The following SKOR1 variants were observed in gnomAD, a reference collection of about 807,000 sequenced individuals.
SKOR1 encodes the protein SKI family transcriptional corepressor 1, also known as LBX1 corepressor 1.
SKOR1 carries 38 observed loss-of-function variants against 72.4 expected under a neutral mutation model. The observed-to-expected ratio is 0.52, with a 90% CI of 0.40 to 0.69. The LOEUF (loss-of-function observed/expected upper bound fraction) is 0.69, where lower values mean the gene tolerates loss of function less well. Ranked by LOEUF, SKOR1 falls within the 30% of genes least tolerant of loss-of-function variation. The pLI is 0.00. For synonymous variants in SKOR1, 642 were observed against 599.4 expected (o/e 1.07, Z -1.04); for missense variants, 1,320 against 1,343.2 (o/e 0.98, Z 0.27).
Position 67,827,835 on chromosome 15 carries a change from C to G in SKOR1, c.2007C>G (p.Pro669=). The change falls in exon 2 of 9, where the codon CCC becomes CCG. Residue 669 remains proline, a synonymous_variant. Transcript: ENST00000380035. ...TGGACGTGGAATCCAACCGCTTCCC[C>G]GACGACGAGGACGCCCAAGAGGAGA... is the stretch of plus-strand genomic sequence containing the variant. ...PEVDVESNRF[P]DDEDAQEETE... is the part of the protein sequence containing the mutation. 1 of 1,595,064 alleles carries G rather than the reference C, an allele frequency of 6.3e-7. No homozygotes were observed. The highest frequency in any genetic ancestry group is 8.5e-7 in the Non-Finnish European group (1 of 1,171,610).
At chr15:67,831,865 C>T (rs911266128) in intron 5 of SKOR1, among the ~76,000 whole-genome samples, 5 of 142,738 alleles carry the variant, frequency 3.5e-5, no homozygotes, top group African/African-American at 1.3e-4. Flanking sequence ...AAGGCTCTGA[C>T]CAAAGCCTCC....
rs1307896295 is a variant in SKOR1, at chr15:67,826,471, A to G, written c.643A>G (p.Met215Val). 3 of 1,614,000 alleles carry G rather than the reference A, an allele frequency of 1.9e-6. No homozygotes were observed. The highest frequency in any genetic ancestry group is 4.5e-5 in the East Asian group (2 of 44,894). The stretch of plus-strand genomic sequence containing the variant: ...GTGCATCAAGTGCGGCTACTGCAGC[A>G]TGTACTTCTCGCCCAACAAGTTCAT... ...AKCIKCGYCSMYFSPNKFIFH... is the reference protein window; with the variant it reads ...AKCIKCGYCSVYFSPNKFIFH... The change falls in exon 2 of 9, where the codon ATG becomes GTG. Residue 215 changes from methionine to valine, a missense_variant. Transcript: ENST00000380035.
chr15:67,833,300 C>T lies in SKOR1; in HGVS notation c.2803+43C>T, dbSNP rs764663192. On this transcript the variant is annotated intron_variant, in intron 8 of 8. Transcript: ENST00000380035. This position sits in a 1 kb window ranked among gnomAD's most constrained non-coding sequence, Gnocchi z 6.0. ...CAAAGATAGGAGGGGTGCTGGGTGC[C>T]GGCCGTGCTGTCGACTGAATGAATG... 13 of 1,599,826 alleles carry T rather than the reference C, an allele frequency of 8.1e-6. No individual in the cohort carries two copies. Among genetic ancestry groups the T allele is most frequent in the Admixed American group, 1.7e-5 (1 of 59,830 alleles).
At chr15:67,828,722 C>G (rs2090985429) in intron 2 of SKOR1, among the ~76,000 whole-genome samples, 1 of 152,050 alleles carries the variant, frequency 6.6e-6, no homozygotes, top group African/African-American at 2.4e-5. Flanking sequence ...GGGGGGCTCT[C>G]AAGCTGGCAG....
chr15:67,833,094 G>T lies in SKOR1; in HGVS notation c.2738-98G>T, dbSNP rs146164820. 6.2e-5 allele frequency: 80 copies of T among 1,289,788 alleles called. 1 individual carries two copies. The Admixed American group carries it at 7.2e-4, about 12-fold the overall frequency. 79.9% of individuals were successfully genotyped at this position (1,289,788 alleles called of 1,614,324 possible). A position where few individuals can be genotyped will look rare whatever the true frequency, so the allele number is the denominator to read the frequency against. The stretch of plus-strand genomic sequence containing the variant: ...CCATCCCTGGAGTTGTTTCTGCGCG[G>T]AGCTTAGCCCTGGGGAGAGGAGGAA... On this transcript the variant is annotated intron_variant, in intron 7 of 8. Coordinates refer to ENST00000380035, the MANE Select transcript of SKOR1 (RefSeq NM_001365915.1). The surrounding 1 kb of genome is among the most constrained non-coding windows in gnomAD (Gnocchi z 6.0).
chr15:67,827,009 C>G lies in SKOR1; in HGVS notation c.1181C>G (p.Pro394Arg), dbSNP rs2141365758. 6.3e-7 allele frequency: 1 copy of G among 1,594,224 alleles called. No homozygotes were observed. The highest frequency in any genetic ancestry group is 2.3e-5 in the East Asian group (1 of 44,434). The change falls in exon 2 of 9, where the codon CCC becomes CGC. Residue 394 changes from proline (P) to arginine (R), a missense_variant. Around this residue, in one of 3 missense-constraint regions of SKOR1, gnomAD observed 1,099 missense variants for 1,025.5 expected, o/e 1.07. Transcript: ENST00000380035. ...CAAAAGCTGCCCCCACCACTTTTCC[C>G]CCATCCTTACGGCTTCCCTACGGCC... ...LLQKLPPPLF[P>R]HPYGFPTAFG...
rs1383487967 is a variant in SKOR1, at chr15:67,829,211, G to A, written c.2349G>A (p.Lys783=). 1 of 1,575,888 alleles carries A rather than the reference G, an allele frequency of 6.3e-7. No individual in the cohort carries two copies. Among genetic ancestry groups the A allele is most frequent in the East Asian group, 2.3e-5 (1 of 43,500 alleles). ...CGCCCGAGAGGGATGAGCACGTGAA[G>A]AGCGCGGCGGTGGCGCTGGGGCCCG... ...VFAPERDEHV[K]SAAVALGPAA... is the part of the protein sequence containing the mutation. The change falls in exon 3 of 9, where the codon AAG becomes AAA. Residue 783 remains lysine, a synonymous_variant. Transcript: ENST00000380035.
chr15:67,826,052 A>G lies in SKOR1; in HGVS notation c.224A>G (p.Asn75Ser). Reference protein sequence around the residue: ...PYSGSSALKPNQVGETSLYGV... With the variant: ...PYSGSSALKPSQVGETSLYGV... The stretch of plus-strand genomic sequence containing the variant: ...TCGGGCTCCAGCGCTCTCAAACCCA[A>G]CCAGGTGGGCGAGACGTCGCTGTAC... The change falls in exon 2 of 9, where the codon AAC (asparagine) becomes AGC (serine). Residue 75 changes from asparagine (N) to serine (S), a missense_variant. This residue lies in a region of SKOR1 where 120 missense variants were observed against 104.9 expected (regional missense o/e 1.14). Transcript: ENST00000380035. The G allele has an allele frequency of 6.3e-7, 1 of 1,589,088 alleles. No individual in the cohort carries two copies. Among genetic ancestry groups the G allele is most frequent in the Non-Finnish European group, 8.6e-7 (1 of 1,163,954 alleles).
Position 67,832,608 on chromosome 15 carries a change from T to C in SKOR1, c.2664T>C (p.Asp888=), listed in dbSNP as rs778089883. 2.7e-5 allele frequency: 44 copies of C among 1,613,752 alleles called. No individual in the cohort carries two copies. The South Asian group carries it at 4.3e-4, about 16-fold the overall frequency. The change falls in exon 7 of 9, where the codon GAT becomes GAC. Residue 888 remains aspartate, a splice_region_variant and synonymous_variant. Coordinates refer to ENST00000380035, the MANE Select transcript of SKOR1 (RefSeq NM_001365915.1). The surrounding 1 kb of genome is among the most constrained non-coding windows in gnomAD (Gnocchi z 4.5). ...CTCTCACTTAATCAATTTGCACAGA[T>C]AATTTTCAGGATCAAATGAAGAGGG... is the stretch of plus-strand genomic sequence containing the variant. ...KLEREFQSLK[D]NFQDQMKREL... is the part of the protein sequence containing the mutation.
At position 67,825,972 on chromosome 15, in the gene SKOR1, G is replaced by A; in HGVS notation, c.144G>A (p.Gly48=). 1 of 1,526,222 alleles carries A rather than the reference G, an allele frequency of 6.6e-7. No homozygotes were observed. The allele number at this position is 1,526,222 out of a possible 1,614,324, so 94.5% of individuals were successfully genotyped here. ...TGGAGGCTCTCACCACTCAGCTGGG[G>A]CCGGGGCGCGAGGGCAGTTCCTCGC... ...GGMEALTTQL[G]PGREGSSSPN... The change falls in exon 2 of 9, where the codon GGG becomes GGA. Residue 48 remains glycine (G), a synonymous_variant. Transcript: ENST00000380035. The surrounding 1 kb of genome is among the most constrained non-coding windows in gnomAD (Gnocchi z 5.6).
rs943554787 is a variant in SKOR1, at chr15:67,832,617, G to C, written c.2673G>C (p.Gln891His). 3 of 1,614,006 alleles carry C rather than the reference G, an allele frequency of 1.9e-6. No homozygotes were observed. Among genetic ancestry groups the C allele is most frequent in the Non-Finnish European group, 2.5e-6 (3 of 1,179,952 alleles). The change falls in exon 7 of 9, where the codon CAG becomes CAC. Residue 891 changes from glutamine to histidine, a missense_variant. Coordinates refer to ENST00000380035, the MANE Select transcript of SKOR1 (RefSeq NM_001365915.1). The surrounding 1 kb of genome is among the most constrained non-coding windows in gnomAD (Gnocchi z 4.5). ...REFQSLKDNF[Q>H]DQMKRELAYR... is the part of the protein sequence containing the mutation. ...AATCAATTTGCACAGATAATTTTCA[G>C]GATCAAATGAAGAGGGAATTGGCTT...
At position 67,827,358 on chromosome 15, in the gene SKOR1, C is replaced by G; in HGVS notation, c.1530C>G (p.Ala510=). Residue 510 remains alanine, a synonymous_variant, in exon 2 of 9, where the codon GCC becomes GCG. Transcript: ENST00000380035. ...CCTACCCCGCTGCTCAGAGCCAAGC[C>G]AAGGCCGTGGCGGCAGCCGTGGCGG... The part of the protein sequence containing the change: ...VPSYPAAQSQ[A]KAVAAAVAAA... 6.3e-7 allele frequency: 1 copy of G among 1,576,798 alleles called. No homozygotes were observed. Among genetic ancestry groups the G allele is most frequent in the East Asian group, 2.3e-5 (1 of 42,906 alleles).
rs774872744 is a variant in SKOR1 at position 67,830,831 on chromosome 15, T to A, written c.2529T>A (p.Leu843=). 6 of 1,614,070 alleles carry A rather than the reference T, an allele frequency of 3.7e-6. No homozygotes were observed. In the East Asian group the frequency reaches 1.3e-4, roughly 36 times the overall value. ...PANTDRGEDG[L]TLDVTGTHLV... is the part of the protein sequence containing the mutation. ...CCTGTATCCCAGGCGAAGATGGGCT[T>A]ACCTTGGATGTCACAGGAACTCATT... Residue 843 remains leucine, a synonymous_variant, in exon 5 of 9, where the codon CTT becomes CTA. Coordinates refer to ENST00000380035, the MANE Select transcript of SKOR1 (RefSeq NM_001365915.1).
rs777715678 is a variant in SKOR1 at position 67,827,139 on chromosome 15, T to C, written c.1311T>C (p.Gly437=). The change falls in exon 2 of 9, where the codon GGT becomes GGC. Residue 437 remains glycine, a synonymous_variant. Transcript: ENST00000380035. ...GCGGCGGCGCGGGGACAGGCGGGGG[T>C]GCGGGGGGCCCGGGAGCCAGCCACT... ...SGGGGAGTGG[G]AGGPGASHLP... 6 of 1,321,870 alleles carry C rather than the reference T, an allele frequency of 4.5e-6. No individual in the cohort carries two copies. The Admixed American group carries it at 1.4e-4, about 31-fold the overall frequency. 81.9% of individuals were successfully genotyped at this position (1,321,870 alleles called of 1,614,324 possible).
rs903267482 is a variant in SKOR1, at chr15:67,833,304, C to A, written c.2803+47C>A. ...GATAGGAGGGGTGCTGGGTGCCGGC[C>A]GTGCTGTCGACTGAATGAATGAATA... On this transcript the variant is annotated intron_variant, in intron 8 of 8. Coordinates refer to ENST00000380035, the MANE Select transcript of SKOR1 (RefSeq NM_001365915.1). The surrounding 1 kb of genome is among the most constrained non-coding windows in gnomAD (Gnocchi z 6.0). 5.0e-6 allele frequency: 8 copies of A among 1,593,092 alleles called. No individual in the cohort carries two copies. Among genetic ancestry groups the A allele is most frequent in the African/African-American group, 4.0e-5 (3 of 74,516 alleles).
rs768295834 is a variant in SKOR1 at position 67,826,038 on chromosome 15, C to A, written c.210C>A (p.Ser70Arg). 1.2e-5 allele frequency: 19 copies of A among 1,576,212 alleles called. No homozygotes were observed. In the Admixed American group the frequency reaches 2.5e-4, roughly 21 times the overall value. ...AGCTGCAGCCGTACTCGGGCTCCAG[C>A]GCTCTCAAACCCAACCAGGTGGGCG... is the stretch of plus-strand genomic sequence containing the variant. ...KQELQPYSGS[S>R]ALKPNQVGET... The change falls in exon 2 of 9, where the codon AGC becomes AGA. Residue 70 changes from serine (S) to arginine (R), a missense_variant. Coordinates refer to ENST00000380035, the MANE Select transcript of SKOR1 (RefSeq NM_001365915.1).
In SKOR1 at chr15:67,826,405, G is replaced by T; in HGVS notation, c.577G>T (p.Gly193Cys). ...GCACGAGTGCGCGTGGGGCTCGCGT[G>T]GTAGCTTCATCCCTGCGCGTTACAA... ...VVHECAWGSR[G>C]SFIPARYNSS... is the part of the protein sequence containing the mutation. The change falls in exon 2 of 9, where the codon GGT becomes TGT. Residue 193 changes from glycine to cysteine, a missense_variant. Physicochemically the swap from Gly to Cys is radical, Grantham distance 159. Transcript: ENST00000380035. The T allele has an allele frequency of 6.2e-7, 1 of 1,613,954 alleles. No homozygotes were observed. Among genetic ancestry groups the T allele is most frequent in the Non-Finnish European group, 8.5e-7 (1 of 1,180,022 alleles).
chr15:67,831,903 C>CCGGGGGGCG (rs1476265010), intron 5 of SKOR1, among the ~76,000 whole-genome samples: 6 of 28,736 alleles, frequency 2.1e-4, no homozygotes, highest in African/African-American at 1.6e-3. Context: ...GGCGGCGGTG[C>CCGGGGGGCG]GGGGGGGGGA....
chr15:67,829,576 CA>C (rs2090992109), intron 3 of SKOR1, among the ~76,000 whole-genome samples: 1 of 152,258 alleles, frequency 6.6e-6, no homozygotes, highest in South Asian at 2.1e-4. Context: ...CTCATTTATT[CA>C]GCAAGTGTGT....
Sources: allele counts gnomAD v4.1 joint callset (sites outside exome capture counted in the v4.1 genomes callset), GRCh38; gene constraint gnomAD v4.1.1; regional missense constraint gnomAD v4.1.1; non-coding constraint Gnocchi (gnomAD v3.1); transcripts MANE v1.5; gene names NCBI Gene and HGNC (gene_info 2026-07-23, HGNC 2026-07-21).